GPATCH8: variants seen among roughly 807,000 people sequenced by gnomAD.
The protein encoded by GPATCH8 is G-patch domain containing 8, also known as G patch domain-containing protein 8.
Under a neutral mutation model 118.3 loss-of-function variants are expected in GPATCH8, and 18 were observed. The ratio of observed to expected loss-of-function variants is 0.15; its 90% CI spans 0.11 to 0.23. The LOEUF (loss-of-function observed/expected upper bound fraction) is 0.23, where lower values mean the gene tolerates loss of function less well. Ranked by LOEUF, GPATCH8 falls within the 10% of genes least tolerant of loss-of-function variation. The pLI is 1.00. For missense variants in GPATCH8, 1,631 were observed against 1,873.8 expected, an observed-to-expected ratio of 0.87 and a Z score of 2.39; for synonymous variants, 659 against 684.7, an observed-to-expected ratio of 0.96 and a Z score of 0.59.
At chr17:44,499,144 C>T (rs1410046412) in intron 1 of GPATCH8, among the ~76,000 whole-genome samples, 1 of 152,012 alleles carries the variant, frequency 6.6e-6, no homozygotes, top group Non-Finnish European at 1.5e-5. Context: ...ACTCACTGAT[C>T]TATTACTGTA....
Position 44,395,811 on chromosome 17 carries a change from A to G in GPATCH8, c.*1757T>C, listed in dbSNP as rs1344687954. On this transcript the variant is annotated 3_prime_UTR_variant, in exon 8 of 8. Transcript: ENST00000591680. ...ACCAACCAATTCTAGCCACACGAAT[A>G]GTTAGGAAAATGCCAAAGTGGGAAT... 8.8e-6 allele frequency: 4 copies of G among 454,018 alleles called. No individual in the cohort carries two copies. Among genetic ancestry groups the G allele is most frequent in the Non-Finnish European group, 1.8e-5 (4 of 226,804 alleles). 28.1% of individuals were successfully genotyped at this position (454,018 alleles called of 1,614,324 possible).
chr17:44,425,693 T>C (rs1412357062), intron 5 of GPATCH8, among the ~76,000 whole-genome samples: 2 of 152,158 alleles, frequency 1.3e-5, no homozygotes, highest in Non-Finnish European at 2.9e-5. Context: ...CAAACCTAGC[T>C]AACTTTTGTA....
chr17:44,464,146 C>T (rs1328851221), intron 3 of GPATCH8, among the ~76,000 whole-genome samples: 1 of 152,068 alleles, frequency 6.6e-6, no homozygotes, highest in African/African-American at 2.4e-5. Context: ...ACAAAGAAAG[C>T]ATACTCTGAT....
intron 6 of GPATCH8, among the ~76,000 whole-genome samples, chr17:44,416,496 A>G (rs2049690607): frequency 6.6e-6 from 1 of 152,180 alleles, no homozygotes; most frequent in Non-Finnish European, 1.5e-5. Context: ...AGACCCCAAG[A>G]AAATGGTATG....
rs1419007438 is a variant in GPATCH8, at chr17:44,400,158, C to A, written c.1919G>T (p.Ser640Ile). The change falls in exon 8 of 8, where the codon AGC (serine) becomes ATC (isoleucine). Residue 640 changes from serine to isoleucine, a missense_variant. Around this residue, in one of 8 missense-constraint regions of GPATCH8, gnomAD observed 922 missense variants for 879.7 expected, o/e 1.05. Coordinates refer to ENST00000591680, the MANE Select transcript of GPATCH8 (RefSeq NM_001002909.4). ...MDAPASGSAC[S>I]GLNKQEPGGS... ...CCCAGGCTCCTGCTTGTTCAGGCCG[C>A]TACAGGCAGACCCTGAAGCAGGTGC... is the stretch of plus-strand genomic sequence containing the variant. The A allele has an allele frequency of 1.2e-6, 2 of 1,613,994 alleles. No individual in the cohort carries two copies. The highest frequency in any genetic ancestry group is 1.7e-6 in the Non-Finnish European group (2 of 1,180,026).
chr17:44,428,158 C>T (rs933868274), intron 5 of GPATCH8, among the ~76,000 whole-genome samples: 15 of 151,720 alleles, frequency 9.9e-5, no homozygotes, highest in Non-Finnish European at 1.9e-4. Context: ...TGGTGTGCAC[C>T]TGTAGTCCCA....
intron 6 of GPATCH8, among the ~76,000 whole-genome samples, chr17:44,423,842 A>G (rs563287633): frequency 6.6e-6 from 1 of 152,310 alleles, no homozygotes; most frequent in East Asian, 1.9e-4. Context: ...GTTTTTTGTT[A>G]AAGTTAAGAT....
At chr17:44,492,244 T>C (rs1288521038) in intron 1 of GPATCH8, among the ~76,000 whole-genome samples, 1 of 125,176 alleles carries the variant, frequency 8.0e-6, no homozygotes, top group East Asian at 2.4e-4. Context: ...GAGCTTGCAG[T>C]GAGCTGAGAT....
At chr17:44,493,309 C>G (rs1037743923) in intron 1 of GPATCH8, among the ~76,000 whole-genome samples, 2 of 152,156 alleles carry the variant, frequency 1.3e-5, no homozygotes, top group African/African-American at 4.8e-5. Context: ...TATCCACCCA[C>G]CTTGGCCTCC....
At chr17:44,441,210 A>G (rs1222854612) in intron 3 of GPATCH8, among the ~76,000 whole-genome samples, 1 of 152,232 alleles carries the variant, frequency 6.6e-6, no homozygotes, top group Non-Finnish European at 1.5e-5. Flanking sequence ...AGAATATATT[A>G]AAGGACAACC....
chr17:44,407,785 T>C (rs2049288544), intron 6 of GPATCH8, among the ~76,000 whole-genome samples: 1 of 151,936 alleles, frequency 6.6e-6, no homozygotes, highest in Non-Finnish European at 1.5e-5. Context: ...GCCTCCCAAG[T>C]AGCTGGGATT....
rs775941625 is a variant in GPATCH8, at chr17:44,399,847, G to A, written c.2230C>T (p.Pro744Ser). The change falls in exon 8 of 8, where the codon CCA becomes TCA. Residue 744 changes from proline to serine, a missense_variant. Physicochemically the swap from Pro to Ser is moderately conservative, Grantham distance 74. This residue lies in a region of GPATCH8 where 922 missense variants were observed against 879.7 expected (regional missense o/e 1.05). Coordinates refer to ENST00000591680, the MANE Select transcript of GPATCH8 (RefSeq NM_001002909.4). ...EPPGSGSPAP[P>S]RRRRRAQDDS... ...TCTTGAGCTCTCCGCCTTCTTCTTG[G>A]TGGTGCGGGACTGCCACTCCCAGGG... is the stretch of plus-strand genomic sequence containing the variant. 2 of 1,613,652 alleles carry A rather than the reference G, an allele frequency of 1.2e-6. No homozygotes were observed. Among genetic ancestry groups the A allele is most frequent in the African/African-American group, 1.3e-5 (1 of 74,790 alleles).
In GPATCH8 at chr17:44,483,672, T is replaced by G. The variant is rs1968529660; in HGVS notation, c.46-8769A>C. Among the ~76,000 whole-genome samples the G allele has an allele frequency of 1.3e-5, 2 of 151,008 alleles. 1 individual carries two copies. The highest frequency in any genetic ancestry group is 4.2e-4 in the South Asian group (2 of 4,738). On this transcript the variant is annotated intron_variant, in intron 1 of 7. Coordinates refer to ENST00000591680, the MANE Select transcript of GPATCH8 (RefSeq NM_001002909.4). ...TTTTTATTTTTTTGAGACAGAGTCT[T>G]GCTGTGTCACCCAGGCTGGAGTGCT... is the stretch of plus-strand genomic sequence containing the variant.
chr17:44,450,337 G>C (rs552705683), intron 3 of GPATCH8, among the ~76,000 whole-genome samples: 1 of 152,276 alleles, frequency 6.6e-6, no homozygotes, highest in East Asian at 1.9e-4. Flanking sequence ...TATAATCTTA[G>C]GTGGCAACAA....
intron 3 of GPATCH8, among the ~76,000 whole-genome samples, chr17:44,451,706 CT>C (rs1332485281): frequency 1.3e-5 from 2 of 152,074 alleles, no homozygotes; most frequent in Admixed American, 1.3e-4. Flanking sequence ...CAACTTTAGC[CT>C]TAAGTTTCTA....
Position 44,399,907 on chromosome 17 carries a change from G to A in GPATCH8, c.2170C>T (p.Pro724Ser). ...RKRKKNKSSAPADSERGPKPE... is the reference protein window; with the variant it reads ...RKRKKNKSSASADSERGPKPE... ...TTGGGTCCTCGTTCAGAATCTGCTGGGGCTGATGACTTATTCTTCTTTCGT... is the reference window on the plus strand; with the variant it reads ...TTGGGTCCTCGTTCAGAATCTGCTGAGGCTGATGACTTATTCTTCTTTCGT... Residue 724 changes from proline (P) to serine (S), a missense_variant, in exon 8 of 8, where the codon CCA becomes TCA. Around this residue, in one of 8 missense-constraint regions of GPATCH8, gnomAD observed 922 missense variants for 879.7 expected, o/e 1.05. Coordinates refer to ENST00000591680, the MANE Select transcript of GPATCH8 (RefSeq NM_001002909.4). 1 of 1,613,872 alleles carries A rather than the reference G, an allele frequency of 6.2e-7. No individual in the cohort carries two copies. The highest frequency in any genetic ancestry group is 1.3e-5 in the African/African-American group (1 of 74,924).
At chr17:44,493,406 T>C (rs1969431596) in intron 1 of GPATCH8, among the ~76,000 whole-genome samples, 1 of 152,172 alleles carries the variant, frequency 6.6e-6, no homozygotes, top group Non-Finnish European at 1.5e-5. Flanking sequence ...AAAATTATAA[T>C]CTTTAATAAG....
chr17:44,410,957 T>C (rs1003352265), intron 6 of GPATCH8, among the ~76,000 whole-genome samples: 1 of 152,184 alleles, frequency 6.6e-6, no homozygotes, highest in African/African-American at 2.4e-5. Context: ...TTAAACAGCA[T>C]TATATTGGCA....
At chr17:44,428,048 G>A (rs191450119) in intron 5 of GPATCH8, among the ~76,000 whole-genome samples, 44 of 152,262 alleles carry the variant, frequency 2.9e-4, no homozygotes, top group Middle Eastern at 6.8e-3. Flanking sequence ...TTGGGAGGCC[G>A]AGGCAGGCGG....
Sources: allele counts gnomAD v4.1 joint callset (sites outside exome capture counted in the v4.1 genomes callset), GRCh38; gene constraint gnomAD v4.1.1; regional missense constraint gnomAD v4.1.1; transcripts MANE v1.5; gene names NCBI Gene and HGNC (gene_info 2026-07-23, HGNC 2026-07-21).